Variants in GTF2A1 observed in about 807,000 individuals in gnomAD.
GTF2A1 encodes transcription initiation factor IIA subunit 1.
Under a neutral mutation model 54.1 loss-of-function variants are expected in GTF2A1, and 12 were observed. The ratio of observed to expected loss-of-function variants is 0.22; its 90% CI spans 0.14 to 0.36. The LOEUF is 0.36. Among genes scored for constraint, GTF2A1 ranks in the 10% least tolerant of loss-of-function variants. The pLI is 1.00. For missense variants in GTF2A1, 335 were observed against 442.2 expected (o/e 0.76, Z 2.17); for synonymous variants, 145 against 152.0 (o/e 0.95, Z 0.34).
Position 81,220,594 on chromosome 14 carries a change from A to G in GTF2A1, c.-76T>C, listed in dbSNP as rs1219207304. Reference sequence around the variant, plus strand: ...AAACAAAACCAAAAAAAAAAAAACTATAACACCCGGAGGGTGACCCAAATC... The same window carrying G: ...AAACAAAACCAAAAAAAAAAAAACTGTAACACCCGGAGGGTGACCCAAATC... On this transcript the variant is annotated 5_prime_UTR_variant, in exon 1 of 9. Transcript: ENST00000553612. 64 of 1,197,616 alleles carry G rather than the reference A, an allele frequency of 5.3e-5. No homozygotes were observed. Among genetic ancestry groups the G allele is most frequent in the Non-Finnish European group, 6.1e-5 (53 of 862,272 alleles). 74.2% of individuals were successfully genotyped at this position (1,197,616 alleles called of 1,614,324 possible). A position where few individuals can be genotyped will look rare whatever the true frequency, so the allele number is the denominator to read the frequency against.
At chr14:81,208,198 GT>G (rs1317664509) in intron 2 of GTF2A1, among the ~76,000 whole-genome samples, 1 of 152,142 alleles carries the variant, frequency 6.6e-6, no homozygotes, top group Non-Finnish European at 1.5e-5. Context: ...CAGGCCCAGG[GT>G]CCCCATGCTG....
chr14:81,191,995 AG>A (rs1892885711), intron 7 of GTF2A1, among the ~76,000 whole-genome samples: 1 of 152,224 alleles, frequency 6.6e-6, no homozygotes, highest in Non-Finnish European at 1.5e-5. Context: ...AGGAAAACAA[AG>A]GCATATTTAT....
chr14:81,194,843 A>C (rs1285592930), intron 6 of GTF2A1, among the ~76,000 whole-genome samples: 1 of 152,240 alleles, frequency 6.6e-6, no homozygotes, highest in Non-Finnish European at 1.5e-5. Context: ...TAAAAGTTTT[A>C]GGATTTTTAG....
intron 4 of GTF2A1, among the ~76,000 whole-genome samples, chr14:81,200,055 T>A (rs1893069938): frequency 6.6e-6 from 1 of 152,154 alleles, no homozygotes; most frequent in Non-Finnish European, 1.5e-5. Context: ...AATTTTTTAT[T>A]TTCATGTAAA....
chr14:81,206,248 T>C (rs1004046837), intron 2 of GTF2A1, among the ~76,000 whole-genome samples: 1 of 152,136 alleles, frequency 6.6e-6, no homozygotes, highest in Non-Finnish European at 1.5e-5. Flanking sequence ...GTAAACGACC[T>C]AGGAGTCAGA....
At chr14:81,206,813 C>T (rs1268114617) in intron 2 of GTF2A1, among the ~76,000 whole-genome samples, 2 of 151,976 alleles carry the variant, frequency 1.3e-5, no homozygotes, top group African/African-American at 2.4e-5. Flanking sequence ...TCCCCTTCTC[C>T]GTCCCTCTCT....
In GTF2A1 at chr14:81,180,157, T is replaced by G; in HGVS notation, c.*66A>C. 1 of 727,542 alleles carries G rather than the reference T, an allele frequency of 1.4e-6. No homozygotes were observed. The highest frequency in any genetic ancestry group is 2.3e-6 in the Non-Finnish European group (1 of 425,696). The allele number at this position is 727,542 out of a possible 1,614,324, so 45.1% of individuals were successfully genotyped here. A position where few individuals can be genotyped will look rare whatever the true frequency, so the allele number is the denominator to read the frequency against. On this transcript the variant is annotated 3_prime_UTR_variant, in exon 9 of 9. Transcript: ENST00000553612. ...AGTTTTGGTTGGCATATGCCCCAAG[T>G]TTCAAACTGTCCGCTTTACATTTTT...
At chr14:81,191,635 T>A (rs1053144006) in intron 7 of GTF2A1, among the ~76,000 whole-genome samples, 1 of 152,074 alleles carries the variant, frequency 6.6e-6, no homozygotes, top group African/African-American at 2.4e-5. Flanking sequence ...TGGTAAAATA[T>A]AAAAGCAATT....
At chr14:81,180,408 C>G in intron 8 of GTF2A1, 78 bp from the exon 9 acceptor site, 1 of 733,050 alleles carries the variant, frequency 1.4e-6, no homozygotes, top group South Asian at 1.5e-5. Flanking sequence ...AACCCATACA[C>G]ACACACACGT....
chr14:81,201,717 A>G, intron 3 of GTF2A1, 59 bp from the exon 4 acceptor site: 1 of 1,118,960 alleles, frequency 8.9e-7, no homozygotes, highest in Non-Finnish European at 1.4e-6. Flanking sequence ...TATAATCACA[A>G]GAACACTTTA....
intron 7 of GTF2A1, among the ~76,000 whole-genome samples, chr14:81,191,929 G>A (rs1315850283): frequency 2.0e-5 from 3 of 152,174 alleles, no homozygotes; most frequent in Non-Finnish European, 4.4e-5. Context: ...AATTAACAGT[G>A]AAAATTGTGG....
At chr14:81,185,274 A>C (rs1273836054) in intron 8 of GTF2A1, among the ~76,000 whole-genome samples, 1 of 152,350 alleles carries the variant, frequency 6.6e-6, no homozygotes, top group Admixed American at 6.5e-5. Context: ...ACAAGTTCAA[A>C]GACTGTCTAA....
Position 81,204,163 on chromosome 14 carries a change from AAC to A in GTF2A1, c.133-61_133-60del, listed in dbSNP as rs900412276. On this transcript the variant is annotated intron_variant, in intron 2 of 8. Coordinates refer to ENST00000553612, the MANE Select transcript of GTF2A1 (RefSeq NM_015859.4). ...AAAATAACTCTGGACAGATGAATACAACAGTTTTATTAATCTCTTTATAAAGT... is the reference window on the plus strand; with the variant it reads ...AAAATAACTCTGGACAGATGAATACAAGTTTTATTAATCTCTTTATAAAGT... 17 of 1,065,192 alleles carry A rather than the reference AAC, an allele frequency of 1.6e-5. No individual in the cohort carries two copies. The African/African-American group carries it at 2.6e-4, about 17-fold the overall frequency. 66.0% of individuals were successfully genotyped at this position (1,065,192 alleles called of 1,614,324 possible). A position where few individuals can be genotyped will look rare whatever the true frequency, so the allele number is the denominator to read the frequency against.
chr14:81,181,205 G>A (rs1892631273), intron 8 of GTF2A1, among the ~76,000 whole-genome samples: 1 of 152,108 alleles, frequency 6.6e-6, no homozygotes, highest in East Asian at 1.9e-4. Context: ...TGGGGGAGAG[G>A]AGTTGTAAAA....
intron 8 of GTF2A1, among the ~76,000 whole-genome samples, chr14:81,180,902 T>C (rs957008063): frequency 2.6e-5 from 4 of 152,226 alleles, no homozygotes; most frequent in Non-Finnish European, 5.9e-5. Context: ...TTCCCAATGG[T>C]ATTTTCATTG....
chr14:81,211,950 A>T (rs1893381294), intron 2 of GTF2A1, among the ~76,000 whole-genome samples: 1 of 142,404 alleles, frequency 7.0e-6, no homozygotes, highest in Non-Finnish European at 1.5e-5. Context: ...GCCAGAGGTG[A>T]TTTTGGCCCC....
intron 6 of GTF2A1, among the ~76,000 whole-genome samples, chr14:81,193,504 C>T (rs1419756784): frequency 2.0e-5 from 3 of 152,156 alleles, no homozygotes; most frequent in African/African-American, 4.8e-5. Flanking sequence ...ATACAGCAGA[C>T]GCAAGTCATT....
intron 1 of GTF2A1, among the ~76,000 whole-genome samples, chr14:81,220,189 G>A (rs1893591319): frequency 7.2e-6 from 1 of 139,318 alleles, no homozygotes; most frequent in African/African-American, 2.6e-5. Context: ...GCCGGGTTCT[G>A]GGGCCGGGGC....
chr14:81,213,748 A>T (rs1007590891), intron 2 of GTF2A1, among the ~76,000 whole-genome samples: 1 of 152,194 alleles, frequency 6.6e-6, no homozygotes, highest in South Asian at 2.1e-4. Context: ...CACTATTAGT[A>T]ACCTGTAATT....
Sources: gnomAD v4.1 joint callset for allele counts (sites outside exome capture counted in the v4.1 genomes callset) on GRCh38, gnomAD v4.1.1 for gene constraint, MANE v1.5 for transcripts, NCBI Gene and HGNC (gene_info 2026-07-23, HGNC 2026-07-21) for gene names.